Variants in DMD observed in about 807,000 individuals in gnomAD.
DMD encodes the protein mutant dystrophin.
DMD carries 63 observed loss-of-function variants against 330.1 expected under a neutral mutation model. The ratio of observed to expected loss-of-function variants is 0.19; its 90% CI spans 0.16 to 0.24. The LOEUF is 0.24. Among genes scored for constraint, DMD ranks in the 10% least tolerant of loss-of-function variants. DMD has a pLI of 1.00. For missense variants in DMD, 3,344 were observed against 2,684.1 expected (o/e 1.25, Z -5.43); for synonymous variants, 1,223 against 959.8 (o/e 1.27, Z -5.07).
At chrX:33,215,686 A>G (rs974283370), upstream of DMD, among the ~76,000 whole-genome samples, 4 of 111,900 alleles carry the variant, frequency 3.6e-5, no homozygotes, top group African/African-American at 9.7e-5. Flanking sequence ...GTTCACCGTC[A>G]GTTGATTTTT....
intron 30 of DMD, among the ~76,000 whole-genome samples, chrX:32,408,608 T>G (rs762258715): frequency 9.0e-6 from 1 of 111,643 alleles, no homozygotes; most frequent in East Asian, 2.8e-4. Flanking sequence ...CCCACAAATC[T>G]GCGTGACCAG....
At chrX:33,236,169 G>T in intron 1 of DMD, among the ~76,000 whole-genome samples, 1 of 108,461 alleles carries the variant, frequency 9.2e-6, no homozygotes, top group South Asian at 4.1e-4. Context: ...GCCCGCCTCG[G>T]CCTCCCAAAG....
chrX:32,838,460 T>A (rs1311443384), intron 4 of DMD, among the ~76,000 whole-genome samples: 2 of 111,042 alleles, frequency 1.8e-5, no homozygotes, highest in Non-Finnish European at 3.8e-5. Context: ...TATGTTCTCA[T>A]TGTTCAGCTA....
Position 32,074,776 on chromosome X carries a change from A to G in DMD, c.6439-106262T>C, listed in dbSNP as rs138117446. The stretch of plus-strand genomic sequence containing the variant: ...AGCACGTACAAGGAGGTAAAAATAA[A>G]CTTTTTTTTTTTTAATTGCAATCAG... On this transcript the variant is annotated intron_variant, in intron 44 of 78. Coordinates refer to ENST00000357033, the MANE Select transcript of DMD (RefSeq NM_004006.3). Among the ~76,000 whole-genome samples the G allele has an allele frequency of 1.0e-3, 88 of 86,427 alleles. No homozygotes were observed. The East Asian group carries it at 0.027, about 26-fold the overall frequency. The allele number at this position is 86,427 out of a possible 115,157, so 75.1% of individuals were successfully genotyped here. A position where few individuals can be genotyped will look rare whatever the true frequency, so the allele number is the denominator to read the frequency against.
intron 9 of DMD, among the ~76,000 whole-genome samples, chrX:32,659,619 T>C (rs1374259307): frequency 3.6e-5 from 4 of 111,267 alleles, no homozygotes; most frequent in Admixed American, 1.9e-4. Context: ...CAGTATAACA[T>C]ACTATATGTT....
chrX:32,853,783 A>AC (rs1367068872), intron 2 of DMD, among the ~76,000 whole-genome samples: 107 of 107,380 alleles, frequency 1.0e-3, no homozygotes, highest in African/African-American at 1.1e-3. Flanking sequence ...AAAAAAAAAA[A>AC]AAACAAACAA....
chrX:31,651,599 T>A (rs2080456133), intron 54 of DMD, among the ~76,000 whole-genome samples: 1 of 111,278 alleles, frequency 9.0e-6, no homozygotes, highest in South Asian at 3.8e-4. Flanking sequence ...CACATCTTCC[T>A]CCCAAAATAT....
intron 64 of DMD, among the ~76,000 whole-genome samples, chrX:31,211,789 TA>T (rs1393776032): frequency 1.8e-5 from 2 of 112,158 alleles, no homozygotes; most frequent in Admixed American, 1.9e-4. Context: ...TGTGCTCTGC[TA>T]AAACTGGATG....
chrX:32,359,095 CT>C (rs2097820401), intron 37 of DMD, among the ~76,000 whole-genome samples: 1 of 111,367 alleles, frequency 9.0e-6, no homozygotes, highest in Non-Finnish European at 1.9e-5. Flanking sequence ...AAGTTAAGGA[CT>C]TTTTGCTCTC....
chrX:32,514,531 G>A (rs1476184869), intron 18 of DMD, among the ~76,000 whole-genome samples: 1 of 111,852 alleles, frequency 8.9e-6, no homozygotes. Context: ...CACGAGGTCA[G>A]GAGATCGAGA....
intron 44 of DMD, among the ~76,000 whole-genome samples, chrX:32,198,923 A>C (rs183224497): frequency 1.8e-5 from 2 of 112,689 alleles, no homozygotes; most frequent in East Asian, 5.6e-4. Context: ...ATATCATACA[A>C]AAAAAATCTA....
intron 7 of DMD, among the ~76,000 whole-genome samples, chrX:32,715,359 C>T: frequency 9.4e-6 from 1 of 106,531 alleles, no homozygotes; most frequent in Non-Finnish European, 1.9e-5. Context: ...CGCCTGTAAT[C>T]CCAGCTATTC....
chrX:32,359,237 G>C (rs190462252), intron 37 of DMD, among the ~76,000 whole-genome samples: 1 of 111,860 alleles, frequency 8.9e-6, no homozygotes, highest in Admixed American at 9.5e-5. Context: ...TTCTTGTCAT[G>C]AACAGTCCTG....
intron 1 of DMD, among the ~76,000 whole-genome samples, chrX:33,282,619 C>T (rs1421385374): frequency 8.9e-6 from 1 of 112,091 alleles, no homozygotes; most frequent in African/African-American, 3.2e-5. Context: ...CTAAACAATA[C>T]TGCCACTTGT....
At chrX:33,279,112 T>C (rs760181023) in intron 1 of DMD, among the ~76,000 whole-genome samples, 69 of 111,876 alleles carry the variant, frequency 6.2e-4, no homozygotes, top group African/African-American at 2.1e-3. Flanking sequence ...AACCACAGAA[T>C]ATACATTCTT....
At chrX:32,249,481 C>T (rs2097254752) in intron 43 of DMD, among the ~76,000 whole-genome samples, 1 of 111,708 alleles carries the variant, frequency 9.0e-6, no homozygotes, top group South Asian at 3.8e-4. Context: ...GAGGAAGAGA[C>T]CAGGATACAC....
At chrX:32,301,198 G>C (rs761760482) in intron 42 of DMD, among the ~76,000 whole-genome samples, 1 of 91,443 alleles carries the variant, frequency 1.1e-5, no homozygotes, top group East Asian at 3.5e-4. Context: ...TCATACAATT[G>C]TTCTGTACCC....
intron 1 of DMD, among the ~76,000 whole-genome samples, chrX:33,138,562 T>G (rs182864284): frequency 8.9e-6 from 1 of 111,905 alleles, no homozygotes; most frequent in African/African-American, 3.2e-5. Context: ...TCTGTCTACT[T>G]TTATTTTTTT....
At chrX:32,915,172 G>A (rs1444313154) in intron 2 of DMD, among the ~76,000 whole-genome samples, 7 of 111,946 alleles carry the variant, frequency 6.3e-5, no homozygotes, top group Non-Finnish European at 1.3e-4. Flanking sequence ...GATGGCATGA[G>A]GAAGCTGTGC....
Sources: gnomAD v4.1 joint callset for allele counts (sites outside exome capture counted in the v4.1 genomes callset) on GRCh38, gnomAD v4.1.1 for gene constraint, MANE v1.5 for transcripts, NCBI Gene and HGNC (gene_info 2026-07-23, HGNC 2026-07-21) for gene names.